Variants in DCC observed in about 807,000 individuals in gnomAD.
DCC encodes the protein DCC netrin 1 receptor.
DCC carries 58 observed loss-of-function variants against 172.5 expected under a neutral mutation model. That is an observed-to-expected ratio of 0.34 (90% CI 0.27 to 0.42). DCC has a LOEUF of 0.42. Among genes scored for constraint, DCC ranks in the 10% least tolerant of loss-of-function variants. The pLI, the probability that DCC is intolerant of heterozygous loss-of-function variation, is 1.00. For synonymous variants in DCC, 709 were observed against 644.5 expected, an observed-to-expected ratio of 1.10 and a Z score of -1.52; for missense variants, 1,740 against 1,791.0, an observed-to-expected ratio of 0.97 and a Z score of 0.51.
chr18:53,226,949 T>TATATATA (rs1555734428), intron 12 of DCC, among the ~76,000 whole-genome samples: 1 of 47,478 alleles, frequency 2.1e-5, no homozygotes, highest in Non-Finnish European at 4.1e-5. Flanking sequence ...TATATATATA[T>TATATATA]TTTTTTTTTT....
chr18:52,390,299 TCTA>T (rs1985981251), intron 1 of DCC, among the ~76,000 whole-genome samples: 1 of 152,040 alleles, frequency 6.6e-6, no homozygotes, highest in East Asian at 1.9e-4. Context: ...TTTCCAAAGC[TCTA>T]CCTGCTGGGA....
chr18:52,571,408 G>C (rs1402842846), intron 1 of DCC, among the ~76,000 whole-genome samples: 1 of 140,712 alleles, frequency 7.1e-6, no homozygotes, highest in Non-Finnish European at 1.6e-5. Context: ...TGTTTTTATA[G>C]AAAGAAAAAT....
At chr18:53,167,728 G>A (rs16956260) in intron 8 of DCC, among the ~76,000 whole-genome samples, 18,564 of 152,100 alleles carry the variant, frequency 0.12, 1,718 homozygotes, top group African/African-American at 0.26. Flanking sequence ...TTACAGTGAA[G>A]TCAAAGAAAC....
chr18:53,172,810 C>T (rs1237205246), intron 8 of DCC, among the ~76,000 whole-genome samples: 1 of 152,030 alleles, frequency 6.6e-6, no homozygotes, highest in Non-Finnish European at 1.5e-5. Context: ...AAAGAAGTTC[C>T]TTATTTTTCC....
chr18:53,166,853 C>T (rs562832078), intron 8 of DCC, among the ~76,000 whole-genome samples: 34 of 152,240 alleles, frequency 2.2e-4, no homozygotes, highest in African/African-American at 7.9e-4. Context: ...TCTAAGATAG[C>T]ATTGATTTCC....
intron 1 of DCC, among the ~76,000 whole-genome samples, chr18:52,728,240 A>G (rs1461544693): frequency 1.3e-5 from 2 of 152,126 alleles, no homozygotes; most frequent in Admixed American, 1.3e-4. Flanking sequence ...TGAAGAGATA[A>G]TAAGCTACTA....
chr18:53,167,473 C>T (rs1014358478), intron 8 of DCC, among the ~76,000 whole-genome samples: 2 of 152,114 alleles, frequency 1.3e-5, no homozygotes, highest in African/African-American at 4.8e-5. Flanking sequence ...GGTGAAGTGA[C>T]ATGCCAAAGA....
intron 5 of DCC, among the ~76,000 whole-genome samples, chr18:53,062,014 C>G (rs1371558665): frequency 1.3e-5 from 2 of 151,964 alleles, no homozygotes; most frequent in African/African-American, 4.8e-5. Context: ...TTTCTGATAT[C>G]TTTTGGTTTA....
intron 27 of DCC, among the ~76,000 whole-genome samples, chr18:53,506,002 T>C (rs1166027656): frequency 1.1e-4 from 16 of 152,248 alleles, no homozygotes; most frequent in South Asian, 2.1e-4. Context: ...TTATACTTTG[T>C]CACCTTTTTA....
At chr18:52,841,276 G>C (rs1253968352) in intron 2 of DCC, among the ~76,000 whole-genome samples, 1 of 129,476 alleles carries the variant, frequency 7.7e-6, no homozygotes, top group Non-Finnish European at 1.7e-5. Context: ...GACATAACTT[G>C]TTTTCTGCTT....
intron 1 of DCC, among the ~76,000 whole-genome samples, chr18:52,469,494 AC>A (rs1988885864): frequency 6.6e-6 from 1 of 152,180 alleles, no homozygotes; most frequent in South Asian, 2.1e-4. Context: ...ATTTGAATAT[AC>A]TTATTTTATA....
At chr18:53,146,321 G>A (rs1048065099) in intron 7 of DCC, among the ~76,000 whole-genome samples, 2 of 152,212 alleles carry the variant, frequency 1.3e-5, no homozygotes, top group Non-Finnish European at 2.9e-5. Context: ...CAAGGTGAAA[G>A]CATCAGCAGA....
intron 12 of DCC, among the ~76,000 whole-genome samples, chr18:53,289,931 G>C (rs8093938): frequency 0.045 from 6,797 of 152,188 alleles, 472 homozygotes; most frequent in African/African-American, 0.15. Flanking sequence ...ATGGATTTTA[G>C]ATTTGTGTGC....
intron 1 of DCC, among the ~76,000 whole-genome samples, chr18:52,385,186 G>T (rs116853335): frequency 6.6e-6 from 1 of 152,036 alleles, no homozygotes. Context: ...CACTTGTCTG[G>T]GTGCTCTATT....
intron 5 of DCC, among the ~76,000 whole-genome samples, chr18:52,931,445 A>G (rs1326539327): frequency 2.0e-5 from 3 of 152,122 alleles, no homozygotes; most frequent in African/African-American, 7.2e-5. Flanking sequence ...TTTGCCTTTC[A>G]ACTTGCAGTC....
intron 15 of DCC, among the ~76,000 whole-genome samples, chr18:53,371,707 C>T (rs1027562628): frequency 6.6e-6 from 1 of 151,834 alleles, no homozygotes; most frequent in Non-Finnish European, 1.5e-5. Flanking sequence ...TGAATGTTAA[C>T]CCAATATCTA....
chr18:53,397,292 T>C lies in DCC; in HGVS notation c.2689-16T>C. The C allele has an allele frequency of 3.7e-6, 6 of 1,611,740 alleles. No homozygotes were observed. In the South Asian group the frequency reaches 4.4e-5, roughly 12 times the overall value. Reference sequence around the variant, plus strand: ...GAGTTTATTTTTTATCTCTTTGCTATTTCCTACTTGTATAGTCAGAAGACA... The same window carrying C: ...GAGTTTATTTTTTATCTCTTTGCTACTTCCTACTTGTATAGTCAGAAGACA... On this transcript the variant is annotated splice_polypyrimidine_tract_variant and intron_variant, in intron 17 of 28. Coordinates refer to ENST00000442544, the MANE Select transcript of DCC (RefSeq NM_005215.4).
At chr18:53,073,668 A>C (rs1445555779) in intron 7 of DCC, among the ~76,000 whole-genome samples, 1 of 152,102 alleles carries the variant, frequency 6.6e-6, no homozygotes, top group Admixed American at 6.6e-5. Flanking sequence ...GAGAAGCATT[A>C]TCAATTATCT....
At chr18:52,904,576 A>G (rs1445967832) in intron 2 of DCC, among the ~76,000 whole-genome samples, 2 of 152,214 alleles carry the variant, frequency 1.3e-5, no homozygotes, top group Admixed American at 6.5e-5. Context: ...AATTAAAACT[A>G]AGGGTAATTA....
Sources: gnomAD v4.1 joint callset for allele counts (sites outside exome capture counted in the v4.1 genomes callset) on GRCh38, gnomAD v4.1.1 for gene constraint, MANE v1.5 for transcripts, NCBI Gene and HGNC (gene_info 2026-07-23, HGNC 2026-07-21) for gene names.